Variants in FSIP1 observed in about 807,000 individuals in gnomAD.
The protein encoded by FSIP1 is fibrous sheath-interacting protein 1.
Under a neutral mutation model 60.9 loss-of-function variants are expected in FSIP1, and 65 were observed. That is an observed-to-expected ratio of 1.07 (90% confidence interval 0.87 to 1.31). The LOEUF (loss-of-function observed/expected upper bound fraction) is 1.31, where lower values mean the gene tolerates loss of function less well. Ranked by LOEUF, FSIP1 falls within the 40% of genes most tolerant of loss-of-function variation. The probability of loss-of-function intolerance (pLI) is 0.00; values close to 1 mark genes in which losing one functional copy is unlikely to be tolerated. For synonymous variants in FSIP1, 209 were observed against 221.2 expected, an observed-to-expected ratio of 0.94 and a Z score of 0.49; for missense variants, 675 against 665.5, an observed-to-expected ratio of 1.01 and a Z score of -0.16.
At chr15:39,723,292 G>A (rs1024596118) in intron 9 of FSIP1, among the ~76,000 whole-genome samples, 3 of 152,244 alleles carry the variant, frequency 2.0e-5, no homozygotes, top group South Asian at 2.1e-4. Flanking sequence ...ACAGTGGCGC[G>A]ATCTTGGCTC....
At chr15:39,603,931 G>T (rs1170393753) in intron 11 of FSIP1, among the ~76,000 whole-genome samples, 1 of 152,146 alleles carries the variant, frequency 6.6e-6, no homozygotes, top group Non-Finnish European at 1.5e-5. Flanking sequence ...TAGGTCTGCA[G>T]TGGGCCTGGC....
intron 8 of FSIP1, 67 bp downstream of exon 8, chr15:39,738,024 G>C (rs1423492223): frequency 3.3e-6 from 3 of 897,488 alleles, no homozygotes; most frequent in Middle Eastern, 2.3e-4. Context: ...TATGATACTG[G>C]GCCAATAATA....
rs369102989 is a variant in FSIP1 at position 39,708,089 on chromosome 15, T to C, written c.1188+5355A>G. 3.3e-5 allele frequency among the ~76,000 whole-genome samples: 5 copies of C among 152,330 alleles called. 1 individual carries two copies. Among genetic ancestry groups the C allele is most frequent in the Admixed American group, 6.5e-5 (1 of 15,306 alleles). ...AGCGGATACTCCCATTATCTCTTCA[T>C]TCTAACATCTCAGATTGTCTCCATA... is the stretch of plus-strand genomic sequence containing the variant. On this transcript the variant is annotated intron_variant, in intron 10 of 11. Transcript: ENST00000350221.
At chr15:39,704,160 C>T (rs929361030) in intron 10 of FSIP1, among the ~76,000 whole-genome samples, 16 of 152,198 alleles carry the variant, frequency 1.1e-4, no homozygotes, top group African/African-American at 3.9e-4. Flanking sequence ...CTGCCACCAC[C>T]TACAGAAAGA....
chr15:39,730,222 G>A (rs994943180), intron 8 of FSIP1, among the ~76,000 whole-genome samples: 1 of 152,116 alleles, frequency 6.6e-6, no homozygotes, highest in African/African-American at 2.4e-5. Context: ...AATTGTTTGG[G>A]ACCTTTTGAA....
chr15:39,654,770 C>G (rs1029134544), intron 10 of FSIP1, among the ~76,000 whole-genome samples: 6 of 152,188 alleles, frequency 3.9e-5, no homozygotes, highest in African/African-American at 1.4e-4. Context: ...CTCATGTGCT[C>G]ATGGACTAAA....
intron 10 of FSIP1, among the ~76,000 whole-genome samples, chr15:39,710,441 GAAAAAAA>G (rs397945950): frequency 1.3e-5 from 1 of 74,240 alleles, no homozygotes; most frequent in Non-Finnish European, 3.0e-5. Context: ...CTCTGTCTCA[GAAAAAAA>G]AAAAAAAAAA....
chr15:39,777,193 CA>C (rs1898092774), intron 1 of FSIP1, among the ~76,000 whole-genome samples: 1 of 152,144 alleles, frequency 6.6e-6, no homozygotes, highest in Admixed American at 6.5e-5. Flanking sequence ...CTCGGTCTCC[CA>C]AAGTCCCCCT....
At chr15:39,605,547 G>T (rs1410614286) in intron 11 of FSIP1, among the ~76,000 whole-genome samples, 1 of 152,188 alleles carries the variant, frequency 6.6e-6, no homozygotes, top group East Asian at 1.9e-4. Flanking sequence ...TACAAGCAGA[G>T]GAGACTTACA....
chr15:39,638,816 A>ATGTG (rs112516658), intron 10 of FSIP1, among the ~76,000 whole-genome samples: 20,184 of 151,358 alleles, frequency 0.13, 2,015 homozygotes, highest in East Asian at 0.32. Context: ...GTGTGGGTGC[A>ATGTG]TGTGTGTGTG....
chr15:39,664,809 T>A (rs1345793102), intron 10 of FSIP1, among the ~76,000 whole-genome samples: 1 of 152,064 alleles, frequency 6.6e-6, no homozygotes, highest in Non-Finnish European at 1.5e-5. Flanking sequence ...CTGTCGACCT[T>A]CCTCAAAGCA....
chr15:39,724,612 CTT>C (rs1896118851), intron 9 of FSIP1, among the ~76,000 whole-genome samples: 1 of 152,160 alleles, frequency 6.6e-6, no homozygotes. Context: ...TTCTCTGTCT[CTT>C]TTAAGAAGAG....
At chr15:39,763,426 G>A (rs1475982969) in intron 5 of FSIP1, among the ~76,000 whole-genome samples, 1 of 152,146 alleles carries the variant, frequency 6.6e-6, no homozygotes, top group Non-Finnish European at 1.5e-5. Context: ...AGGACTGTGA[G>A]AGACCAGGAA....
At chr15:39,770,296 T>A (rs751089071) in intron 3 of FSIP1, 131 bp downstream of exon 3, 13 of 575,688 alleles carry the variant, frequency 2.3e-5, no homozygotes, top group Non-Finnish European at 3.3e-5. Context: ...ATAGTCTATG[T>A]CTTTTTTTTG....
At chr15:39,633,945 A>G (rs1485596595) in intron 10 of FSIP1, among the ~76,000 whole-genome samples, 11 of 152,170 alleles carry the variant, frequency 7.2e-5, no homozygotes, top group Admixed American at 6.5e-5. Flanking sequence ...TTGCAGATAC[A>G]GAAACTTACA....
chr15:39,747,477 G>A (rs188026730), intron 5 of FSIP1: 1 of 152,178 alleles, frequency 6.6e-6, no homozygotes, highest in Admixed American at 6.5e-5. Flanking sequence ...CCTTTATATA[G>A]CAACTTCTCT....
In FSIP1 at chr15:39,746,825, AGG is replaced by A. The variant is rs1430223279; in HGVS notation, c.560-4927_560-4926del. On this transcript the variant is annotated intron_variant, in intron 5 of 11. Coordinates refer to ENST00000350221, the MANE Select transcript of FSIP1 (RefSeq NM_152597.5). ...CAAGAGGATGGGATTATAAAAATAA[AGG>A]GGGAAGAAGGGGGAACTGAGTGAAA... Among the ~76,000 whole-genome samples, 10 of 137,018 alleles carry A rather than the reference AGG, an allele frequency of 7.3e-5. 1 individual carries two copies. The South Asian group carries it at 2.2e-3, about 30-fold the overall frequency. The allele number at this position is 137,018 out of a possible 152,430, so 89.9% of individuals were successfully genotyped here. A position where few individuals can be genotyped will look rare whatever the true frequency, so the allele number is the denominator to read the frequency against.
chr15:39,669,634 T>C (rs1344052265), intron 10 of FSIP1, among the ~76,000 whole-genome samples: 4 of 152,188 alleles, frequency 2.6e-5, no homozygotes, highest in Non-Finnish European at 5.9e-5. Context: ...ATATGCCAAG[T>C]TTGAACATTC....
At chr15:39,744,235 T>A (rs1896905572) in intron 5 of FSIP1, among the ~76,000 whole-genome samples, 1 of 152,130 alleles carries the variant, frequency 6.6e-6, no homozygotes, top group Admixed American at 6.5e-5. Context: ...AATTCAAAGT[T>A]AATAAGAAAA....
Sources: allele counts gnomAD v4.1 joint callset (sites outside exome capture counted in the v4.1 genomes callset), GRCh38; gene constraint gnomAD v4.1.1; transcripts MANE v1.5; gene names NCBI Gene and HGNC (gene_info 2026-07-23, HGNC 2026-07-21).